Variants in MTUS2 observed in about 807,000 individuals in gnomAD.
MTUS2 encodes the protein microtubule associated scaffold protein 2.
A neutral mutation model predicts 114.1 loss-of-function variants in MTUS2; 40 were observed. The ratio of observed to expected loss-of-function variants is 0.35; its 90% CI spans 0.27 to 0.46. The LOEUF (loss-of-function observed/expected upper bound fraction) is 0.46, where lower values mean the gene tolerates loss of function less well. Among genes scored for constraint, MTUS2 ranks in the 20% least tolerant of loss-of-function variants. MTUS2 has a pLI of 1.00. For synonymous variants in MTUS2, 688 were observed against 672.0 expected, an observed-to-expected ratio of 1.02 and a Z score of -0.37; for missense variants, 1,679 against 1,705.4, an observed-to-expected ratio of 0.98 and a Z score of 0.27.
At chr13:29,356,014 C>CT (rs1869710226) in intron 7 of MTUS2, among the ~76,000 whole-genome samples, 2 of 152,256 alleles carry the variant, frequency 1.3e-5, no homozygotes, top group African/African-American at 4.8e-5. Context: ...TGGAAAGAGT[C>CT]TAAGTAGGTT....
At position 29,026,123 on chromosome 13, in the gene MTUS2, T is replaced by A. The variant is rs770988940; in HGVS notation, c.1425T>A (p.Ser475=). 21 of 1,613,892 alleles carry A rather than the reference T, an allele frequency of 1.3e-5. No homozygotes were observed. Among genetic ancestry groups the A allele is most frequent in the Non-Finnish European group, 1.7e-5 (20 of 1,179,888 alleles). The change falls in exon 3 of 16, where the codon TCT becomes TCA. Residue 475 remains serine (S), a synonymous_variant. Transcript: ENST00000612955. ...DSVMVLVFNP[S]VGENKTEVPE... ...TTATGGTTTTGGTGTTCAATCCTTC[T>A]GTTGGAGAGAACAAGACGGAGGTGC... is the stretch of plus-strand genomic sequence containing the variant.
At chr13:29,256,284 A>G (rs1305196472) in intron 5 of MTUS2, among the ~76,000 whole-genome samples, 1 of 152,214 alleles carries the variant, frequency 6.6e-6, no homozygotes, top group Non-Finnish European at 1.5e-5. Flanking sequence ...GTCCCCATGC[A>G]GTGACTTGGA....
chr13:29,148,033 G>A (rs1892507325), intron 5 of MTUS2, among the ~76,000 whole-genome samples: 1 of 152,138 alleles, frequency 6.6e-6, no homozygotes, highest in Admixed American at 6.5e-5. Flanking sequence ...TTTTCACAGT[G>A]GCTGAATTAA....
chr13:29,249,123 G>A (rs756057781), intron 5 of MTUS2, among the ~76,000 whole-genome samples: 3 of 152,098 alleles, frequency 2.0e-5, no homozygotes, highest in Admixed American at 1.3e-4. Context: ...AAGTAGCTGG[G>A]ACTACAGGCG....
chr13:29,237,454 G>A (rs1006914448), intron 5 of MTUS2, among the ~76,000 whole-genome samples: 49 of 152,030 alleles, frequency 3.2e-4, no homozygotes, highest in African/African-American at 1.2e-3. Context: ...CAGATTTCAC[G>A]CTTCTCTGCT....
At chr13:29,032,210 C>A (rs192865770) in intron 3 of MTUS2, among the ~76,000 whole-genome samples, 31 of 152,074 alleles carry the variant, frequency 2.0e-4, no homozygotes, top group Non-Finnish European at 4.0e-4. Context: ...AAAGAATTTG[C>A]GATCTCACCA....
chr13:28,865,057 G>C (rs536512432), intron 2 of MTUS2, among the ~76,000 whole-genome samples: 3 of 152,280 alleles, frequency 2.0e-5, no homozygotes, highest in South Asian at 2.1e-4. Context: ...ATGCATGTGT[G>C]TCTGTGTATA....
At chr13:29,466,051 T>C (rs1427980763) in intron 9 of MTUS2, among the ~76,000 whole-genome samples, 1 of 152,218 alleles carries the variant, frequency 6.6e-6, no homozygotes, top group African/African-American at 2.4e-5. Context: ...ACATCCAGCA[T>C]CTGAAGGTTG....
At chr13:29,068,897 T>TAAA (rs1436056747) in intron 4 of MTUS2, among the ~76,000 whole-genome samples, 2 of 152,150 alleles carry the variant, frequency 1.3e-5, no homozygotes, top group Non-Finnish European at 2.9e-5. Flanking sequence ...TTGTAGGGTT[T>TAAA]AAGCAAGGGA....
intron 1 of MTUS2, among the ~76,000 whole-genome samples, chr13:28,839,170 A>C (rs1423717859): frequency 6.6e-6 from 1 of 152,144 alleles, no homozygotes; most frequent in Non-Finnish European, 1.5e-5. Context: ...ACTAGCAACT[A>C]ATCTTCCTGT....
chr13:28,956,569 G>T (rs1264825272), intron 2 of MTUS2, among the ~76,000 whole-genome samples: 6 of 152,208 alleles, frequency 3.9e-5, no homozygotes, highest in African/African-American at 1.2e-4. Context: ...TGCACTGAAA[G>T]CAGAGGGGGC....
At chr13:29,478,984 C>T (rs1428084443) in intron 9 of MTUS2, among the ~76,000 whole-genome samples, 4 of 152,174 alleles carry the variant, frequency 2.6e-5, no homozygotes, top group Non-Finnish European at 2.9e-5. Flanking sequence ...CTTTTCAGAG[C>T]CAAATGTGGC....
chr13:28,955,352 C>T (rs1883010398), intron 2 of MTUS2, among the ~76,000 whole-genome samples: 1 of 152,194 alleles, frequency 6.6e-6, no homozygotes, highest in Non-Finnish European at 1.5e-5. Flanking sequence ...CTAGAGGCAG[C>T]TTTTGTGTGG....
chr13:29,138,018 G>A (rs1004614108), intron 5 of MTUS2, among the ~76,000 whole-genome samples: 6 of 152,102 alleles, frequency 3.9e-5, no homozygotes, highest in Non-Finnish European at 7.3e-5. Flanking sequence ...GTGGAACATC[G>A]GTGCCTCTTT....
chr13:29,491,735 CGT>C (rs1361541408), intron 11 of MTUS2, among the ~76,000 whole-genome samples: 1 of 89,260 alleles, frequency 1.1e-5, no homozygotes, highest in Non-Finnish European at 2.3e-5. Context: ...GTGTGTGGGG[CGT>C]GTGGGGTGTG....
rs146561122 is a variant in MTUS2 at position 28,851,528 on chromosome 13, T to G, written c.-243+11678T>G. On this transcript the variant is annotated intron_variant, in intron 2 of 15. Coordinates refer to ENST00000612955, the MANE Select transcript of MTUS2 (RefSeq NM_001033602.4). ...TGCAGATGTCAGAGATACGAAGATA[T>G]ATATGATATGGTTCTTGCCCTCCAG... is the stretch of plus-strand genomic sequence containing the variant. Among the ~76,000 whole-genome samples, 243 of 152,336 alleles carry G rather than the reference T, an allele frequency of 1.6e-3. 1 individual carries two copies. The highest frequency in any genetic ancestry group is 4.7e-3 in the African/African-American group (196 of 41,564).
rs759410214 is a variant in MTUS2, at chr13:29,377,807, G to GA, written c.3117+18338dup. Among the ~76,000 whole-genome samples the GA allele has an allele frequency of 1.3e-3, 201 of 152,220 alleles. 1 individual carries two copies. Among genetic ancestry groups the GA allele is most frequent in the Non-Finnish European group, 2.3e-3 (154 of 68,016 alleles). On this transcript the variant is annotated intron_variant, in intron 8 of 15. Transcript: ENST00000612955. ...AAATGGAAAACATAAAAATCAAGGA[G>GA]AAAATCAATGAAACTAAAAGCTGGT... is the stretch of plus-strand genomic sequence containing the variant.
At chr13:29,006,746 T>C (rs1343048540) in intron 2 of MTUS2, among the ~76,000 whole-genome samples, 4 of 152,214 alleles carry the variant, frequency 2.6e-5, no homozygotes, top group Non-Finnish European at 5.9e-5. Flanking sequence ...GCACACTACC[T>C]GATAGAACAT....
chr13:29,260,487 T>G (rs1897430038), intron 5 of MTUS2, among the ~76,000 whole-genome samples: 1 of 152,228 alleles, frequency 6.6e-6, no homozygotes, highest in Admixed American at 6.5e-5. Context: ...GTTATTTATA[T>G]CCTATCGCTC....
Sources: allele counts gnomAD v4.1 joint callset (sites outside exome capture counted in the v4.1 genomes callset), GRCh38; gene constraint gnomAD v4.1.1; transcripts MANE v1.5; gene names NCBI Gene and HGNC (gene_info 2026-07-23, HGNC 2026-07-21).